Variants in JMJD1C observed in about 807,000 individuals in gnomAD.
The protein encoded by JMJD1C is jumonji domain containing 1C.
JMJD1C carries 31 observed loss-of-function variants against 245.3 expected under a neutral mutation model. The ratio of observed to expected loss-of-function variants is 0.13; its 90% CI spans 0.09 to 0.17. JMJD1C has a LOEUF of 0.17. JMJD1C is among the 10% of genes least tolerant of loss of function. The probability of loss-of-function intolerance (pLI) is 1.00; values close to 1 mark genes in which losing one functional copy is unlikely to be tolerated. For missense variants in JMJD1C, 2,691 were observed against 3,000.2 expected, an observed-to-expected ratio of 0.90 and a Z score of 2.41; for synonymous variants, 1,057 against 1,017.4, an observed-to-expected ratio of 1.04 and a Z score of -0.74.
intron 2 of JMJD1C, among the ~76,000 whole-genome samples, chr10:63,338,021 C>T (rs568814854): frequency 2.6e-5 from 4 of 152,228 alleles, no homozygotes; most frequent in South Asian, 2.1e-4. Context: ...AGAGTAAAAC[C>T]CATGTCAGCT....
At chr10:63,413,876 C>A (rs1208695101) in intron 1 of JMJD1C, among the ~76,000 whole-genome samples, 1 of 151,362 alleles carries the variant, frequency 6.6e-6, no homozygotes, top group Non-Finnish European at 1.5e-5. Context: ...TTCCTTGATT[C>A]TATTTAAATG....
intron 2 of JMJD1C, among the ~76,000 whole-genome samples, chr10:63,276,626 C>T (rs1280407707): frequency 1.3e-5 from 2 of 152,070 alleles, no homozygotes. Flanking sequence ...CACCACTACG[C>T]CCCAGCTAAT....
At chr10:63,501,686 G>C (rs898385100) in intron 1 of JMJD1C, among the ~76,000 whole-genome samples, 8 of 152,138 alleles carry the variant, frequency 5.3e-5, no homozygotes, top group African/African-American at 1.9e-4. Flanking sequence ...TGAGGCAGGA[G>C]AATGGTGTGA....
At chr10:63,169,196 T>G (rs1842119698) in intron 24 of JMJD1C, among the ~76,000 whole-genome samples, 1 of 152,196 alleles carries the variant, frequency 6.6e-6, no homozygotes, top group South Asian at 2.1e-4. Context: ...CAACAGTTTT[T>G]CAACAGTTTT....
intron 1 of JMJD1C, among the ~76,000 whole-genome samples, chr10:63,397,370 C>T (rs1425675153): frequency 1.3e-5 from 2 of 152,088 alleles, no homozygotes; most frequent in African/African-American, 4.8e-5. Context: ...TGTGCCACCA[C>T]ACCCGGCTTA....
intron 1 of JMJD1C, among the ~76,000 whole-genome samples, chr10:63,430,930 C>T (rs923328155): frequency 1.3e-5 from 2 of 151,992 alleles, no homozygotes; most frequent in Non-Finnish European, 2.9e-5. Flanking sequence ...TGTTTTGTTT[C>T]GTTCGATGAA....
intron 1 of JMJD1C, among the ~76,000 whole-genome samples, chr10:63,486,151 A>C (rs1953989417): frequency 1.3e-5 from 1 of 78,926 alleles, no homozygotes; most frequent in Non-Finnish European, 2.8e-5. Context: ...AAAAAAAAAA[A>C]AAAAAAAAAA....
chr10:63,259,339 A>G (rs1462202965), intron 3 of JMJD1C, among the ~76,000 whole-genome samples: 1 of 152,100 alleles, frequency 6.6e-6, no homozygotes, highest in Non-Finnish European at 1.5e-5. Context: ...CTAAAATTTC[A>G]CCTTATTTGC....
chr10:63,239,456 T>C (rs1564662878), intron 3 of JMJD1C, among the ~76,000 whole-genome samples: 1 of 152,164 alleles, frequency 6.6e-6, no homozygotes, highest in East Asian at 1.9e-4. Flanking sequence ...TGTTGATTTT[T>C]TTTTTGAGAC....
chr10:63,248,229 G>A (rs566575636), intron 3 of JMJD1C, among the ~76,000 whole-genome samples: 5 of 152,098 alleles, frequency 3.3e-5, no homozygotes, highest in East Asian at 1.9e-4. Flanking sequence ...TTGGGAGGCC[G>A]AGGCAGGTGG....
chr10:63,209,315 G>T, intron 8 of JMJD1C, 80 bp from the exon 9 acceptor site: 1 of 1,188,362 alleles, frequency 8.4e-7, no homozygotes, highest in Non-Finnish European at 1.1e-6. Flanking sequence ...AGTAGAACTG[G>T]GTATGATCTT....
chr10:63,199,066 T>C (rs1455122025), intron 11 of JMJD1C, among the ~76,000 whole-genome samples: 1 of 152,186 alleles, frequency 6.6e-6, no homozygotes, highest in Non-Finnish European at 1.5e-5. Flanking sequence ...AATGCTGTTA[T>C]TTTATACATA....
At chr10:63,202,777 A>G (rs1846171404) in intron 10 of JMJD1C, 1 of 985,206 alleles carries the variant, frequency 1.0e-6, no homozygotes, top group African/African-American at 1.7e-5. Context: ...GATTTTTCCT[A>G]TGAACTGTGT....
Position 63,399,111 on chromosome 10 carries a change from T to C in JMJD1C, c.169-18629A>G, listed in dbSNP as rs943488690. On this transcript the variant is annotated intron_variant, in intron 1 of 25. Transcript: ENST00000399262. ...TAGATGTTTTTTAGGGAAAGCATCA[T>C]AAACTTTCCGGATTTAAATAAATGT... Among the ~76,000 whole-genome samples the C allele has an allele frequency of 2.6e-5, 4 of 152,216 alleles. No individual in the cohort carries two copies. In the South Asian group the frequency reaches 8.3e-4, roughly 31 times the overall value.
At chr10:63,372,245 C>G (rs1280924837) in intron 2 of JMJD1C, among the ~76,000 whole-genome samples, 2 of 152,122 alleles carry the variant, frequency 1.3e-5, no homozygotes, top group African/African-American at 4.8e-5. Context: ...CCAGAATTGC[C>G]TATCTATGAA....
At chr10:63,463,742 G>A (rs1952970320) in intron 1 of JMJD1C, among the ~76,000 whole-genome samples, 1 of 151,974 alleles carries the variant, frequency 6.6e-6, no homozygotes, top group Non-Finnish European at 1.5e-5. Context: ...ATGGTGAAAC[G>A]CAAAGATAGT....
At chr10:63,281,326 G>GT (rs1399872611) in intron 2 of JMJD1C, among the ~76,000 whole-genome samples, 3 of 135,592 alleles carry the variant, frequency 2.2e-5, no homozygotes, top group Admixed American at 7.1e-5. Flanking sequence ...TTTTTTGTTT[G>GT]TTTTTTGTTT....
At chr10:63,276,453 G>C (rs1856782940) in intron 2 of JMJD1C, among the ~76,000 whole-genome samples, 1 of 128,566 alleles carries the variant, frequency 7.8e-6, no homozygotes, top group Non-Finnish European at 1.6e-5. Flanking sequence ...GAGACAGAGT[G>C]AGATTCCGTC....
At chr10:63,262,937 T>C (rs1210866565) in intron 3 of JMJD1C, among the ~76,000 whole-genome samples, 1 of 152,142 alleles carries the variant, frequency 6.6e-6, no homozygotes, top group Non-Finnish European at 1.5e-5. Context: ...ACATAACGAT[T>C]TCACTTCTCT....
Sources: gnomAD v4.1 joint callset for allele counts (sites outside exome capture counted in the v4.1 genomes callset) on GRCh38, gnomAD v4.1.1 for gene constraint, MANE v1.5 for transcripts, NCBI Gene and HGNC (gene_info 2026-07-23, HGNC 2026-07-21) for gene names.